The following FBN1 variants were observed in gnomAD, a reference collection of about 807,000 sequenced individuals.
FBN1 encodes fibrillin 1.
A neutral mutation model predicts 365.1 loss-of-function variants in FBN1; 29 were observed. The observed-to-expected ratio is 0.08, with a 90% CI of 0.06 to 0.11. FBN1 has a LOEUF of 0.11. Ranked by LOEUF, FBN1 falls within the 10% of genes least tolerant of loss-of-function variation. FBN1 has a pLI of 1.00. For missense variants in FBN1, 2,476 were observed against 3,703.2 expected (o/e 0.67, Z 8.60); for synonymous variants, 1,210 against 1,270.5 (o/e 0.95, Z 1.01).
At position 48,448,816 on chromosome 15, in the gene FBN1, G is replaced by A. The variant is rs535302211; in HGVS notation, c.5623C>T (p.Leu1875Phe). 6.2e-7 allele frequency: 1 copy of A among 1,613,026 alleles called. No homozygotes were observed. The highest frequency in any genetic ancestry group is 1.3e-5 in the African/African-American group (1 of 74,988). Reference sequence around the variant, plus strand: ...TTTGTTTTAAAACCAGTGTGGCAAAGGCAATAAAAGCTTCCAACTGTGTCA... The same window carrying A: ...TTTGTTTTAAAACCAGTGTGGCAAAAGCAATAAAAGCTTCCAACTGTGTCA... ...CIDTVGSFYCLCHTGFKTNDD... is the reference protein window; with the variant it reads ...CIDTVGSFYCFCHTGFKTNDD... The change falls in exon 46 of 66, where the codon CTT becomes TTT. Residue 1875 changes from leucine to phenylalanine, a missense_variant. Leu to Phe is a conservative substitution (Grantham distance 22, BLOSUM62 0). Around this residue, in one of 5 missense-constraint regions of FBN1, gnomAD observed 1,780 missense variants for 2,840.8 expected, o/e 0.63. Transcript: ENST00000316623.
Position 48,609,882 on chromosome 15 carries a change from T to C in FBN1, c.346+846A>G, listed in dbSNP as rs983762652. The stretch of plus-strand genomic sequence containing the variant: ...AAATGTTCAGACTCTTAACAGGTAA[T>C]GAGCCTTGACACAGTGAAGTCTCTA... On this transcript the variant is annotated intron_variant, in intron 4 of 65. Coordinates refer to ENST00000316623, the MANE Select transcript of FBN1 (RefSeq NM_000138.5). Among the ~76,000 whole-genome samples the C allele has an allele frequency of 1.6e-4, 25 of 152,244 alleles. 1 individual carries two copies.
At chr15:48,538,651 G>C (rs1441570358) in intron 6 of FBN1, among the ~76,000 whole-genome samples, 1 of 151,950 alleles carries the variant, frequency 6.6e-6, no homozygotes, top group African/African-American at 2.4e-5. Context: ...AGTGAGCACA[G>C]AGGACCAAAC....
intron 2 of FBN1, among the ~76,000 whole-genome samples, chr15:48,626,669 G>A (rs575070228): frequency 6.6e-6 from 1 of 151,932 alleles, no homozygotes; most frequent in East Asian, 1.9e-4. Flanking sequence ...TTATTTCATT[G>A]AAATTAACAC....
intron 2 of FBN1, among the ~76,000 whole-genome samples, chr15:48,614,474 C>A (rs1276300910): frequency 6.6e-6 from 1 of 152,162 alleles, no homozygotes; most frequent in Non-Finnish European, 1.5e-5. Flanking sequence ...GTTTGGGAAC[C>A]AACATAAGGT....
At chr15:48,435,666 A>ATGTGTGTGTGTGTGTGTGTG (rs3074870) in intron 53 of FBN1, among the ~76,000 whole-genome samples, 13 of 145,634 alleles carry the variant, frequency 8.9e-5, no homozygotes, top group African/African-American at 3.3e-4. Context: ...GAGACCTAAA[A>ATGTGTGTGTGTGTGTGTGTG]TGTGTGTGTG....
At chr15:48,569,350 C>A (rs1225527214) in intron 6 of FBN1, among the ~76,000 whole-genome samples, 1 of 152,028 alleles carries the variant, frequency 6.6e-6, no homozygotes, top group Non-Finnish European at 1.5e-5. Context: ...GAAACTAGAA[C>A]CCTCACTCAT....
At chr15:48,597,894 T>C (rs2044528044) in intron 5 of FBN1, among the ~76,000 whole-genome samples, 1 of 152,182 alleles carries the variant, frequency 6.6e-6, no homozygotes, top group Admixed American at 6.5e-5. Context: ...TCTGCCAGTG[T>C]TAATTAAGCA....
At chr15:48,502,991 A>T (rs1306579707) in intron 17 of FBN1, among the ~76,000 whole-genome samples, 1 of 152,138 alleles carries the variant, frequency 6.6e-6, no homozygotes, top group African/African-American at 2.4e-5. Flanking sequence ...CTCAGGTTAA[A>T]TCAAATCATT....
chr15:48,574,863 T>C (rs1221019373), intron 6 of FBN1, among the ~76,000 whole-genome samples: 1 of 152,234 alleles, frequency 6.6e-6, no homozygotes, highest in South Asian at 2.1e-4. Context: ...GTTTTGTTCA[T>C]TTAATTTTGA....
intron 6 of FBN1, among the ~76,000 whole-genome samples, chr15:48,571,527 C>A (rs760293843): frequency 2.0e-5 from 3 of 151,710 alleles, no homozygotes; most frequent in Non-Finnish European, 4.4e-5. Flanking sequence ...TAAATACCTG[C>A]AAAAATATTT....
chr15:48,621,497 C>G (rs147327975), intron 2 of FBN1, among the ~76,000 whole-genome samples: 564 of 152,256 alleles, frequency 3.7e-3, no homozygotes, highest in African/African-American at 0.013. Context: ...AAATATCTGA[C>G]CAGCCCTTCT....
At chr15:48,501,825 C>T (rs934769239) in intron 17 of FBN1, among the ~76,000 whole-genome samples, 11 of 152,056 alleles carry the variant, frequency 7.2e-5, no homozygotes, top group African/African-American at 2.2e-4. Context: ...TAAAGTAACA[C>T]ACAAAAGGAT....
At chr15:48,432,140 A>G (rs184600190) in intron 55 of FBN1, among the ~76,000 whole-genome samples, 7 of 151,624 alleles carry the variant, frequency 4.6e-5, no homozygotes, top group East Asian at 1.9e-4. Flanking sequence ...TTATTTTTCT[A>G]TCTTTCCCGT....
At chr15:48,538,917 T>TG (rs1484154330) in intron 6 of FBN1, among the ~76,000 whole-genome samples, 1 of 152,230 alleles carries the variant, frequency 6.6e-6, no homozygotes, top group Admixed American at 6.5e-5. Context: ...AATCACTGGC[T>TG]GTGCTAATGA....
At chr15:48,562,638 T>C (rs1244767198) in intron 6 of FBN1, among the ~76,000 whole-genome samples, 2 of 152,178 alleles carry the variant, frequency 1.3e-5, no homozygotes, top group Non-Finnish European at 2.9e-5. Flanking sequence ...TTTTTAGAGA[T>C]TGCACTAGGT....
At chr15:48,632,870 G>T (rs1388348344) in intron 2 of FBN1, among the ~76,000 whole-genome samples, 1 of 152,178 alleles carries the variant, frequency 6.6e-6, no homozygotes, top group Non-Finnish European at 1.5e-5. Flanking sequence ...TGACCCTGGG[G>T]AGCACAGAGC....
chr15:48,624,424 T>G (rs1332244003), intron 2 of FBN1, among the ~76,000 whole-genome samples: 3 of 152,240 alleles, frequency 2.0e-5, no homozygotes, highest in African/African-American at 7.2e-5. Context: ...GGCATCTGTA[T>G]CTGGCCTACT....
intron 2 of FBN1, chr15:48,642,803 T>C (rs7179473): frequency 1.3e-5 from 2 of 151,984 alleles, no homozygotes. Flanking sequence ...TTATAAATAG[T>C]TTACAATAGG....
intron 6 of FBN1, among the ~76,000 whole-genome samples, chr15:48,555,382 G>A (rs1484183898): frequency 6.6e-6 from 1 of 152,166 alleles, no homozygotes; most frequent in African/African-American, 2.4e-5. Flanking sequence ...ATTTGGCATT[G>A]TCTGTATTAC....
Sources: allele counts gnomAD v4.1 joint callset (sites outside exome capture counted in the v4.1 genomes callset), GRCh38; gene constraint gnomAD v4.1.1; regional missense constraint gnomAD v4.1.1; transcripts MANE v1.5; gene names NCBI Gene and HGNC (gene_info 2026-07-23, HGNC 2026-07-21).